Variants in OXSR1 observed in about 807,000 individuals in gnomAD.
OXSR1 encodes serine/threonine-protein kinase OSR1.
OXSR1 carries 24 observed loss-of-function variants against 79.8 expected under a neutral mutation model. The observed-to-expected ratio is 0.30, with a 90% CI of 0.22 to 0.42. The LOEUF (loss-of-function observed/expected upper bound fraction) is 0.42, where lower values mean the gene tolerates loss of function less well. OXSR1 is among the 10% of genes least tolerant of loss of function. OXSR1 has a pLI of 1.00. For missense variants in OXSR1, 430 were observed against 618.4 expected (o/e 0.70, Z 3.23); for synonymous variants, 226 against 209.2 (o/e 1.08, Z -0.69).
At chr3:38,232,229 G>A (rs990592193) in intron 10 of OXSR1, among the ~76,000 whole-genome samples, 1 of 152,018 alleles carries the variant, frequency 6.6e-6, no homozygotes, top group Non-Finnish European at 1.5e-5. Flanking sequence ...AGGCTAGCCT[G>A]AGCAACATAG....
At chr3:38,233,551 A>G (rs928031381) in intron 10 of OXSR1, among the ~76,000 whole-genome samples, 2 of 152,220 alleles carry the variant, frequency 1.3e-5, no homozygotes, top group African/African-American at 4.8e-5. Flanking sequence ...AGAAAAAAAG[A>G]GAAACTTACA....
rs555119199 is a variant in OXSR1, at chr3:38,180,164, G to A, written c.71-2839G>A. Among the ~76,000 whole-genome samples, 347 of 152,084 alleles carry A rather than the reference G, an allele frequency of 2.3e-3. 4 individuals carry two copies. The highest frequency in any genetic ancestry group is 3.5e-3 in the Non-Finnish European group (240 of 67,988). ...TCTCCATGTTGGCCAGCCTGGTCTC[G>A]AACTCTGGTTTCAAGTGATCCACCA... On this transcript the variant is annotated intron_variant, in intron 1 of 17. Transcript: ENST00000311806.
intron 1 of OXSR1, among the ~76,000 whole-genome samples, chr3:38,167,018 C>A (rs372653508): frequency 8.6e-5 from 13 of 152,008 alleles, no homozygotes; most frequent in African/African-American, 2.9e-4. Context: ...GATGCAGTGG[C>A]CTTGAGTAAG....
chr3:38,200,545 G>A (rs1178372996), intron 4 of OXSR1, among the ~76,000 whole-genome samples: 1 of 152,092 alleles, frequency 6.6e-6, no homozygotes, highest in African/African-American at 2.4e-5. Context: ...GGAGGAACAG[G>A]GAATATTTAA....
chr3:38,165,266 T>C (rs974018740), upstream of OXSR1: 3 of 152,504 alleles, frequency 2.0e-5, no homozygotes, highest in African/African-American at 4.8e-5. Flanking sequence ...CCCCTTCTAC[T>C]TTGCTGCCCT....
At chr3:38,218,335 T>A (rs1454080895) in intron 5 of OXSR1, among the ~76,000 whole-genome samples, 1 of 152,116 alleles carries the variant, frequency 6.6e-6, no homozygotes, top group Non-Finnish European at 1.5e-5. Flanking sequence ...GGTTTTTTGT[T>A]TTTTCAGGTG....
chr3:38,217,695 T>C (rs970391008), intron 5 of OXSR1, among the ~76,000 whole-genome samples: 33 of 152,040 alleles, frequency 2.2e-4, no homozygotes, highest in East Asian at 9.6e-4. Context: ...ACCGACTAAT[T>C]TTTGTATTTG....
chr3:38,215,911 T>C (rs988824785), intron 4 of OXSR1, among the ~76,000 whole-genome samples, 185 bp from the exon 5 acceptor site: 1 of 152,206 alleles, frequency 6.6e-6, no homozygotes, highest in African/African-American at 2.4e-5. Flanking sequence ...TCTAGCTTTC[T>C]TTTTAATGTG....
At chr3:38,192,688 T>A (rs1386767251) in intron 3 of OXSR1, among the ~76,000 whole-genome samples, 1 of 152,238 alleles carries the variant, frequency 6.6e-6, no homozygotes, top group African/African-American at 2.4e-5. Flanking sequence ...AACCTTGGCA[T>A]GTATAGATCG....
intron 13 of OXSR1, 62 bp from the exon 14 acceptor site, chr3:38,247,606 C>T: frequency 2.6e-6 from 3 of 1,170,108 alleles, no homozygotes; most frequent in Non-Finnish European, 2.6e-6. Flanking sequence ...TGCCAGTGAC[C>T]ATTAGTCACC....
Position 38,175,086 on chromosome 3 carries a change from C to G in OXSR1, c.71-7917C>G, listed in dbSNP as rs181514127. Among the ~76,000 whole-genome samples, 10 of 152,206 alleles carry G rather than the reference C, an allele frequency of 6.6e-5. No homozygotes were observed. In the East Asian group the frequency reaches 1.9e-3, roughly 29 times the overall value. ...GTAAATTCTTATGTTTTGTGTGGTTCAGGTGACAATACTTTAGTCATCTTT... is the reference window on the plus strand; with the variant it reads ...GTAAATTCTTATGTTTTGTGTGGTTGAGGTGACAATACTTTAGTCATCTTT... On this transcript the variant is annotated intron_variant, in intron 1 of 17. Coordinates refer to ENST00000311806, the MANE Select transcript of OXSR1 (RefSeq NM_005109.3).
chr3:38,178,487 G>C (rs1701715349), intron 1 of OXSR1, among the ~76,000 whole-genome samples: 1 of 151,196 alleles, frequency 6.6e-6, no homozygotes, highest in African/African-American at 2.4e-5. Context: ...TCACCCAGGC[G>C]GAGTGTGGTG....
chr3:38,230,320 A>T, intron 9 of OXSR1, 45 bp from the exon 10 acceptor site: 1 of 1,233,388 alleles, frequency 8.1e-7, no homozygotes, highest in Non-Finnish European at 1.2e-6. Context: ...TTTTTTTGGT[A>T]CCTTAAAAAC....
chr3:38,191,413 A>T (rs1046662198), intron 3 of OXSR1, among the ~76,000 whole-genome samples: 2 of 151,718 alleles, frequency 1.3e-5, no homozygotes, highest in East Asian at 3.9e-4. Flanking sequence ...CCTCCCTTCC[A>T]TGATGTAAAC....
chr3:38,180,624 C>T (rs977223855), intron 1 of OXSR1, among the ~76,000 whole-genome samples: 10 of 150,914 alleles, frequency 6.6e-5, no homozygotes, highest in Admixed American at 5.3e-4. Flanking sequence ...CTCTGCCTCC[C>T]AGGCTCAAAT....
intron 4 of OXSR1, among the ~76,000 whole-genome samples, chr3:38,214,321 ATGCTAAGTAAGTACAGG>A (rs1702443178): frequency 1.3e-5 from 2 of 152,290 alleles, no homozygotes; most frequent in African/African-American, 4.8e-5. Context: ...ACTAATAATA[ATGCTAAGTAAGTACAGG>A]TGACTATAGT....
At chr3:38,210,704 T>C (rs1009643300) in intron 4 of OXSR1, among the ~76,000 whole-genome samples, 16 of 152,194 alleles carry the variant, frequency 1.1e-4, no homozygotes, top group Non-Finnish European at 2.2e-4. Flanking sequence ...TCTGCTCCAT[T>C]AAACTGTAAT....
chr3:38,247,660 CT>C lies in OXSR1; in HGVS notation c.1258-3del. On this transcript the variant is annotated splice_polypyrimidine_tract_variant and splice_region_variant and intron_variant, in intron 13 of 17. Transcript: ENST00000311806. ...GGCAATGACTGTATACCTTTCAATG[CT>C]TTTTAGGCTTTGTCTTCAGGATCAG... The C allele has an allele frequency of 1.2e-6, 2 of 1,606,806 alleles. No individual in the cohort carries two copies. Among genetic ancestry groups the C allele is most frequent in the Non-Finnish European group, 1.7e-6 (2 of 1,173,614 alleles).
chr3:38,192,702 A>G (rs773427680), intron 3 of OXSR1, among the ~76,000 whole-genome samples: 7 of 152,192 alleles, frequency 4.6e-5, no homozygotes, highest in Non-Finnish European at 1.0e-4. Flanking sequence ...TAGATCGAAC[A>G]TTTTGTTTTG....
Sources: allele counts gnomAD v4.1 joint callset (sites outside exome capture counted in the v4.1 genomes callset), GRCh38; gene constraint gnomAD v4.1.1; transcripts MANE v1.5; gene names NCBI Gene and HGNC (gene_info 2026-07-23, HGNC 2026-07-21).